TRIM9: variants seen among roughly 807,000 people sequenced by gnomAD.
TRIM9 encodes the protein tripartite motif containing 9.
Under a neutral mutation model 78.3 loss-of-function variants are expected in TRIM9, and 26 were observed. That is an observed-to-expected ratio of 0.33 (90% CI 0.24 to 0.46). The LOEUF (loss-of-function observed/expected upper bound fraction) is 0.46. Ranked by LOEUF, TRIM9 falls within the 20% of genes least tolerant of loss-of-function variation. The pLI, the probability that TRIM9 is intolerant of heterozygous loss-of-function variation, is 1.00. For synonymous variants in TRIM9, 398 were observed against 416.5 expected (o/e 0.96, Z 0.54); for missense variants, 787 against 1,036.4 (o/e 0.76, Z 3.30).
At chr14:51,004,001 A>G (rs926261159) in intron 5 of TRIM9, among the ~76,000 whole-genome samples, 3 of 152,248 alleles carry the variant, frequency 2.0e-5, no homozygotes, top group Non-Finnish European at 4.4e-5. Context: ...AGAAATCCAA[A>G]GTACTTTCCA....
intron 1 of TRIM9, among the ~76,000 whole-genome samples, chr14:51,042,509 T>C (rs918800905): frequency 1.3e-5 from 2 of 152,238 alleles, no homozygotes; most frequent in Admixed American, 6.5e-5. Context: ...TGAAATACTT[T>C]GTCTGTAGTT....
In TRIM9 at chr14:50,975,351, A is replaced by C. The variant is rs1042025937; in HGVS notation, c.*1940T>G. The C allele has an allele frequency of 1.3e-5, 2 of 152,700 alleles. No homozygotes were observed. The highest frequency in any genetic ancestry group is 4.1e-4 in the South Asian group (2 of 4,832). 9.5% of individuals were successfully genotyped at this position (152,700 alleles called of 1,614,324 possible). On this transcript the variant is annotated 3_prime_UTR_variant, in exon 13 of 13. Transcript: ENST00000684578. ...TTGTATGCATCTGTAATTGCAATTC[A>C]GTGTAAACTACATGTTACAAGTCAC...
At position 51,023,061 on chromosome 14, in the gene TRIM9, T is replaced by C. The variant is rs537482813; in HGVS notation, c.919-104A>G. 106 of 1,436,602 alleles carry C rather than the reference T, an allele frequency of 7.4e-5. 1 individual carries two copies. In the African/African-American group the frequency reaches 1.4e-3, roughly 19 times the overall value. 89.0% of individuals were successfully genotyped at this position (1,436,602 alleles called of 1,614,324 possible). A position where few individuals can be genotyped will look rare whatever the true frequency, so the allele number is the denominator to read the frequency against. ...TGCTGAAGGGAATGAAAAGGAACTC[T>C]GTCCACAATGCACATTTGGTAATTT... On this transcript the variant is annotated intron_variant, in intron 2 of 12. Coordinates refer to ENST00000684578, the MANE Select transcript of TRIM9 (RefSeq NM_001387360.1).
At chr14:50,978,881 T>C in intron 12 of TRIM9, 1 of 984,262 alleles carries the variant, frequency 1.0e-6, no homozygotes, top group Non-Finnish European at 1.2e-6. Flanking sequence ...TATTCTATAA[T>C]AAATAATAAT....
chr14:51,069,841 C>T (rs978283504), intron 1 of TRIM9, among the ~76,000 whole-genome samples: 1 of 152,170 alleles, frequency 6.6e-6, no homozygotes, highest in African/African-American at 2.4e-5. Context: ...TCTTATCTTT[C>T]TCAAGGTGGA....
chr14:51,088,394 C>T (rs2063978418), intron 1 of TRIM9, among the ~76,000 whole-genome samples: 1 of 152,250 alleles, frequency 6.6e-6, no homozygotes, highest in Admixed American at 6.5e-5. Context: ...CTACCTGCAG[C>T]CTGTTCAGAA....
At chr14:51,021,534 G>C (rs930380979) in intron 3 of TRIM9, among the ~76,000 whole-genome samples, 11 of 152,184 alleles carry the variant, frequency 7.2e-5, no homozygotes, top group Non-Finnish European at 4.4e-5. Context: ...AAGGGCAGAA[G>C]TCCTTCTGAA....
chr14:51,013,278 TA>T (rs1318961392), intron 3 of TRIM9, among the ~76,000 whole-genome samples: 1 of 151,828 alleles, frequency 6.6e-6, no homozygotes, highest in Non-Finnish European at 1.5e-5. Flanking sequence ...CACCACTTAT[TA>T]AAAACACTGC....
At position 50,979,429 on chromosome 14, in the gene TRIM9, C is replaced by T; in HGVS notation, c.2283G>A (p.Glu761=). 6.2e-7 allele frequency: 1 copy of T among 1,614,186 alleles called. No homozygotes were observed. Among genetic ancestry groups the T allele is most frequent in the South Asian group, 1.1e-5 (1 of 91,076 alleles). The change falls in exon 12 of 13, where the codon GAG becomes GAA. Residue 761 remains glutamate (E), a synonymous_variant. Coordinates refer to ENST00000684578, the MANE Select transcript of TRIM9 (RefSeq NM_001387360.1). The part of the protein sequence containing the change: ...QQGPIAFDNV[E]GLFFPAVSLN... ...GGCTGACCGCAGGGAAGAAGAGGCCCTCCACGTTATCAAATGCTATGGGAC... is the reference window on the plus strand; with the variant it reads ...GGCTGACCGCAGGGAAGAAGAGGCCTTCCACGTTATCAAATGCTATGGGAC...
chr14:51,057,734 A>T (rs7158976), intron 1 of TRIM9, among the ~76,000 whole-genome samples: 1 of 152,042 alleles, frequency 6.6e-6, no homozygotes, highest in Non-Finnish European at 1.5e-5. Flanking sequence ...TTTTAATCTG[A>T]ATGTATTCAT....
intron 9 of TRIM9, among the ~76,000 whole-genome samples, 155 bp from the exon 10 acceptor site, chr14:50,983,120 T>C (rs1026776570): frequency 2.0e-5 from 3 of 152,194 alleles, no homozygotes; most frequent in African/African-American, 7.2e-5. Flanking sequence ...ACTTGTACCT[T>C]TACCCACATT....
chr14:51,025,811 G>C (rs769491322), intron 1 of TRIM9, among the ~76,000 whole-genome samples: 34 of 152,108 alleles, frequency 2.2e-4, no homozygotes, highest in Non-Finnish European at 4.3e-4. Context: ...GGTAGGTACT[G>C]GTGTGATCCT....
intron 1 of TRIM9, among the ~76,000 whole-genome samples, chr14:51,052,447 C>T (rs1021883765): frequency 2.0e-5 from 3 of 152,156 alleles, no homozygotes; most frequent in Admixed American, 6.5e-5. Flanking sequence ...ATCAACAACC[C>T]CAGCCCCTGG....
Position 51,010,487 on chromosome 14 carries a change from C to A in TRIM9, c.1049G>T (p.Arg350Leu), listed in dbSNP as rs772439273. 6.2e-7 allele frequency: 1 copy of A among 1,612,188 alleles called. No homozygotes were observed. Among genetic ancestry groups the A allele is most frequent in the South Asian group, 1.1e-5 (1 of 91,016 alleles). Residue 350 changes from arginine (R) to leucine (L), a missense_variant, in exon 4 of 13, where the codon CGA becomes CTA. This residue lies in a region of TRIM9 where 352 missense variants were observed against 472.3 expected (regional missense o/e 0.75). Transcript: ENST00000684578. ...CACTGTGCAGTGAGAGATCTGATCTCGAACCACCTAGGATTAAAAAAAAAA... is the reference window on the plus strand; with the variant it reads ...CACTGTGCAGTGAGAGATCTGATCTAGAACCACCTAGGATTAAAAAAAAAA... ...KEHEHKLKVV[R>L]DQISHCTVKL...
chr14:51,002,026 C>T (rs1371401692), intron 5 of TRIM9, among the ~76,000 whole-genome samples: 1 of 152,210 alleles, frequency 6.6e-6, no homozygotes, highest in African/African-American at 2.4e-5. Flanking sequence ...AGCCTTCAGA[C>T]ACACATAGAA....
chr14:51,086,974 C>T (rs2063813870), intron 1 of TRIM9, among the ~76,000 whole-genome samples: 1 of 151,928 alleles, frequency 6.6e-6, no homozygotes, highest in Admixed American at 6.6e-5. Context: ...TCCCTCTCTA[C>T]AGTTATTTAA....
chr14:51,006,946 C>T (rs1009442203), intron 5 of TRIM9, among the ~76,000 whole-genome samples: 40 of 152,288 alleles, frequency 2.6e-4, no homozygotes, highest in African/African-American at 8.7e-4. Flanking sequence ...ACTCGCAGTT[C>T]CCATACCCAG....
chr14:51,068,402 T>C (rs1313181846), intron 1 of TRIM9, among the ~76,000 whole-genome samples: 1 of 152,118 alleles, frequency 6.6e-6, no homozygotes, highest in Non-Finnish European at 1.5e-5. Flanking sequence ...AGGCAGCACA[T>C]ATTACAAGAT....
intron 1 of TRIM9, among the ~76,000 whole-genome samples, chr14:51,035,704 T>A (rs1382981910): frequency 6.6e-6 from 1 of 152,154 alleles, no homozygotes; most frequent in African/African-American, 2.4e-5. Context: ...GAAAAAGGAC[T>A]CATAGACTGC....
Sources: gnomAD v4.1 joint callset for allele counts (sites outside exome capture counted in the v4.1 genomes callset) on GRCh38, gnomAD v4.1.1 for gene constraint, gnomAD v4.1.1 regional missense constraint, MANE v1.5 for transcripts, NCBI Gene and HGNC (gene_info 2026-07-23, HGNC 2026-07-21) for gene names.